The following MARK3 variants were observed in gnomAD, a reference collection of about 807,000 sequenced individuals.
MARK3 encodes the protein MAP/microtubule affinity-regulating kinase 3.
A neutral mutation model predicts 90.1 loss-of-function variants in MARK3; 46 were observed. The ratio of observed to expected loss-of-function variants is 0.51; its 90% CI spans 0.40 to 0.65. MARK3 has a LOEUF of 0.65. Among genes scored for constraint, MARK3 ranks in the 30% least tolerant of loss-of-function variants. MARK3 has a pLI of 0.00. For missense variants in MARK3, 818 were observed against 947.2 expected (o/e 0.86, Z 1.79); for synonymous variants, 321 against 332.6 (o/e 0.97, Z 0.38).
chr14:103,452,282 C>T lies in MARK3; in HGVS notation c.412+299C>T, dbSNP rs117553597. On this transcript the variant is annotated intron_variant, in intron 5 of 17. Transcript: ENST00000429436. ...TAGGCGCACAGTTCAGTGACATTAG[C>T]ATGTTCACGTTGCCCTCACCACCAC... Among the ~76,000 whole-genome samples, 584 of 152,108 alleles carry T rather than the reference C, an allele frequency of 3.8e-3. 1 individual carries two copies. The highest frequency in any genetic ancestry group is 5.8e-3 in the Non-Finnish European group (397 of 67,988).
chr14:103,432,788 G>C (rs2092619672), intron 3 of MARK3, among the ~76,000 whole-genome samples: 1 of 152,158 alleles, frequency 6.6e-6, no homozygotes, highest in African/African-American at 2.4e-5. Flanking sequence ...CCTAGAAGTT[G>C]GAGGCTGCAG....
intron 2 of MARK3, 30 bp downstream of exon 2, chr14:103,405,297 T>A: frequency 7.0e-7 from 1 of 1,436,602 alleles, no homozygotes; most frequent in African/African-American, 1.5e-5. Context: ...ATTTCTGTTA[T>A]GACAGTTGCT....
At chr14:103,474,064 A>T (rs1461603565) in intron 12 of MARK3, among the ~76,000 whole-genome samples, 1 of 141,636 alleles carries the variant, frequency 7.1e-6, no homozygotes, top group African/African-American at 2.6e-5. Flanking sequence ...AAAAAAAAAA[A>T]TTAGTTGGCA....
chr14:103,462,748 C>T (rs1260266555), intron 7 of MARK3, among the ~76,000 whole-genome samples: 4 of 152,140 alleles, frequency 2.6e-5, no homozygotes, highest in African/African-American at 9.7e-5. Context: ...TGGTCACGCC[C>T]ACAGCATCCT....
intron 2 of MARK3, among the ~76,000 whole-genome samples, chr14:103,419,485 G>A (rs1188131182): frequency 6.6e-6 from 1 of 152,060 alleles, no homozygotes; most frequent in African/African-American, 2.4e-5. Flanking sequence ...ATTTTCCAAA[G>A]CAAATTATTG....
intron 2 of MARK3, among the ~76,000 whole-genome samples, chr14:103,421,976 C>A (rs1017028233): frequency 6.6e-6 from 1 of 152,214 alleles, no homozygotes; most frequent in South Asian, 2.1e-4. Context: ...CCTAGACTCA[C>A]TGGTTTCCTT....
At chr14:103,410,584 A>G (rs2091571466) in intron 2 of MARK3, among the ~76,000 whole-genome samples, 1 of 152,182 alleles carries the variant, frequency 6.6e-6, no homozygotes. Flanking sequence ...GCCTGTATTC[A>G]TAGTGCTTTG....
intron 2 of MARK3, chr14:103,412,318 C>T (rs1262472709): frequency 9.6e-6 from 6 of 626,670 alleles, no homozygotes; most frequent in South Asian, 3.8e-5. Flanking sequence ...TTGTGGACTT[C>T]GCCTCATCCA....
intron 3 of MARK3, among the ~76,000 whole-genome samples, chr14:103,437,929 A>T (rs967272850): frequency 6.6e-6 from 1 of 152,206 alleles, no homozygotes; most frequent in Non-Finnish European, 1.5e-5. Context: ...TAGCTCCTGG[A>T]ATCAAATTCT....
At chr14:103,413,868 T>C (rs1240450899) in intron 2 of MARK3, among the ~76,000 whole-genome samples, 1 of 152,188 alleles carries the variant, frequency 6.6e-6, no homozygotes, top group Non-Finnish European at 1.5e-5. Context: ...TTCAGGCTGT[T>C]GCATATATTG....
intron 13 of MARK3, among the ~76,000 whole-genome samples, chr14:103,478,967 C>T (rs530040614): frequency 2.0e-5 from 3 of 152,236 alleles, no homozygotes; most frequent in South Asian, 4.1e-4. Context: ...ATGAATAATG[C>T]TACTATAAAC....
intron 1 of MARK3, 87 bp downstream of exon 1, chr14:103,386,167 C>T: frequency 7.9e-7 from 1 of 1,267,730 alleles, no homozygotes; most frequent in South Asian, 1.2e-5. Context: ...GTGTTCCCCC[C>T]AGCCGAACGC....
At chr14:103,452,771 A>G (rs1371751400) in intron 5 of MARK3, among the ~76,000 whole-genome samples, 3 of 152,142 alleles carry the variant, frequency 2.0e-5, no homozygotes, top group East Asian at 3.9e-4. Flanking sequence ...GCGCCCGGCC[A>G]GGATTTGTCT....
intron 2 of MARK3, among the ~76,000 whole-genome samples, chr14:103,426,563 C>G (rs762243233): frequency 4.6e-5 from 7 of 152,146 alleles, no homozygotes; most frequent in Non-Finnish European, 7.4e-5. Flanking sequence ...AGCTCAGGTG[C>G]AAAGCCGAGT....
At chr14:103,396,953 A>G (rs1239277544) in intron 1 of MARK3, among the ~76,000 whole-genome samples, 1 of 152,218 alleles carries the variant, frequency 6.6e-6, no homozygotes, top group African/African-American at 2.4e-5. Context: ...CAGTTCAAAG[A>G]CAGTATTTCA....
chr14:103,499,650 A>G (rs2075544552), intron 16 of MARK3: 1 of 152,648 alleles, frequency 6.6e-6, no homozygotes, highest in Non-Finnish European at 1.5e-5. Context: ...CCATTCTATT[A>G]TTATTTTTTA....
chr14:103,472,158 C>T (rs1179590844), intron 12 of MARK3, among the ~76,000 whole-genome samples: 31 of 143,468 alleles, frequency 2.2e-4, no homozygotes. Context: ...TGCAGTGAGC[C>T]GAGATCGAGC....
chr14:103,459,585 C>T (rs1182971440), intron 6 of MARK3, among the ~76,000 whole-genome samples: 12 of 152,172 alleles, frequency 7.9e-5, no homozygotes, highest in South Asian at 2.1e-4. Flanking sequence ...CTGCAACCTC[C>T]GCCTCCCAGG....
chr14:103,440,101 A>G (rs1186471493), intron 3 of MARK3, among the ~76,000 whole-genome samples: 3 of 151,986 alleles, frequency 2.0e-5, no homozygotes, highest in Middle Eastern at 3.2e-3. Context: ...GCTTTCTTTT[A>G]CCTACATTGT....
Sources: gnomAD v4.1 joint callset for allele counts (sites outside exome capture counted in the v4.1 genomes callset) on GRCh38, gnomAD v4.1.1 for gene constraint, MANE v1.5 for transcripts, NCBI Gene and HGNC (gene_info 2026-07-23, HGNC 2026-07-21) for gene names.